Variants in TUBGCP3 observed in about 807,000 individuals in gnomAD.
TUBGCP3 encodes the protein gamma-tubulin complex component 3.
A neutral mutation model predicts 123.1 loss-of-function variants in TUBGCP3; 50 were observed. The observed-to-expected ratio is 0.41, with a 90% CI of 0.32 to 0.51. TUBGCP3 has a LOEUF of 0.51. Ranked by LOEUF, TUBGCP3 falls within the 20% of genes least tolerant of loss-of-function variation. The pLI, the probability that TUBGCP3 is intolerant of heterozygous loss-of-function variation, is 0.36. For missense variants in TUBGCP3, 882 were observed against 1,127.0 expected (o/e 0.78, Z 3.11); for synonymous variants, 405 against 413.9 (o/e 0.98, Z 0.26).
intron 11 of TUBGCP3, among the ~76,000 whole-genome samples, chr13:112,537,991 G>A (rs910247486): frequency 2.6e-5 from 4 of 152,108 alleles, no homozygotes; most frequent in African/African-American, 7.2e-5. Context: ...TTTGCTTTCC[G>A]CCTTTTGAAT....
At position 112,520,041 on chromosome 13, in the gene TUBGCP3, A is replaced by C; in HGVS notation, c.1746-20T>G. The C allele has an allele frequency of 6.2e-7, 1 of 1,600,014 alleles. No homozygotes were observed. The highest frequency in any genetic ancestry group is 8.5e-7 in the Non-Finnish European group (1 of 1,173,106). On this transcript the variant is annotated intron_variant, in intron 14 of 21. Coordinates refer to ENST00000261965, the MANE Select transcript of TUBGCP3 (RefSeq NM_006322.6). ...TCTGGTCTTAACAAATTTTTTAAAAATTAAAGAAAATATTACTTCAATTCT... is the reference window on the plus strand; with the variant it reads ...TCTGGTCTTAACAAATTTTTTAAAACTTAAAGAAAATATTACTTCAATTCT...
chr13:112,596,413 T>C, the TUBGCP3 span, among the ~76,000 whole-genome samples: 1 of 152,218 alleles, frequency 6.6e-6, no homozygotes, highest in Admixed American at 6.5e-5. Flanking sequence ...ACTTGATAAA[T>C]GTTGTGCCAC....
At chr13:112,498,842 A>G in intron 20 of TUBGCP3, 1 of 1,591,310 alleles carries the variant, frequency 6.3e-7, no homozygotes, top group Non-Finnish European at 8.6e-7. Flanking sequence ...TTATTTTGTG[A>G]AACAGGATGA....
chr13:112,486,335 G>T (rs1050279269), intron 21 of TUBGCP3, among the ~76,000 whole-genome samples, 184 bp from the exon 22 acceptor site: 1 of 152,192 alleles, frequency 6.6e-6, no homozygotes, highest in Non-Finnish European at 1.5e-5. Flanking sequence ...GAGTGCACAC[G>T]GCCAGTGCAC....
At chr13:112,504,910 C>T (rs900518262) in intron 17 of TUBGCP3, among the ~76,000 whole-genome samples, 196 bp from the exon 18 acceptor site, 3 of 152,146 alleles carry the variant, frequency 2.0e-5, no homozygotes, top group African/African-American at 7.2e-5. Context: ...GCTATCTAAC[C>T]AAGTAGTACT....
intron 11 of TUBGCP3, among the ~76,000 whole-genome samples, chr13:112,532,513 C>T (rs997768054): frequency 3.9e-5 from 6 of 152,204 alleles, no homozygotes; most frequent in African/African-American, 1.4e-4. Context: ...AGCACCTAAT[C>T]TTTACTATCC....
intron 21 of TUBGCP3, among the ~76,000 whole-genome samples, chr13:112,487,053 A>ATGTGTGTG (rs10522089): frequency 0.012 from 1,768 of 147,470 alleles, 20 homozygotes; most frequent in East Asian, 0.05. Context: ...AACACTGTGT[A>ATGTGTGTG]TGTGTGTGTG....
chr13:112,509,668 G>A (rs532378433), intron 17 of TUBGCP3, among the ~76,000 whole-genome samples: 2 of 152,304 alleles, frequency 1.3e-5, no homozygotes, highest in African/African-American at 2.4e-5. Context: ...CCTTGACAGT[G>A]AGAGACATAT....
At chr13:112,601,461 A>T in the TUBGCP3 span, among the ~76,000 whole-genome samples, 1 of 152,218 alleles carries the variant, frequency 6.6e-6, no homozygotes, top group Non-Finnish European at 1.5e-5. Flanking sequence ...TAGCGTTAAC[A>T]GCGCTTCACA....
At chr13:112,561,760 G>T (rs566888244) in intron 3 of TUBGCP3, among the ~76,000 whole-genome samples, 1 of 152,064 alleles carries the variant, frequency 6.6e-6, no homozygotes, top group Non-Finnish European at 1.5e-5. Flanking sequence ...AGGGAAAGAC[G>T]GCAGGAAATG....
At chr13:112,578,510 G>C (rs565647953) in intron 1 of TUBGCP3, among the ~76,000 whole-genome samples, 2 of 125,028 alleles carry the variant, frequency 1.6e-5, no homozygotes, top group Non-Finnish European at 3.2e-5. Flanking sequence ...AGTGAGCCGG[G>C]ATAGCGCCAC....
At chr13:112,488,870 C>T (rs1461389211) in intron 21 of TUBGCP3, among the ~76,000 whole-genome samples, 1 of 143,112 alleles carries the variant, frequency 7.0e-6, no homozygotes, top group African/African-American at 2.6e-5. Flanking sequence ...CAGGTCCCCA[C>T]ACCCACCACA....
chr13:112,512,696 T>C (rs549308956), intron 17 of TUBGCP3, among the ~76,000 whole-genome samples: 3 of 150,596 alleles, frequency 2.0e-5, no homozygotes, highest in Non-Finnish European at 3.0e-5. Context: ...AATCGCACCA[T>C]TGCACTCCAG....
At chr13:112,592,819 G>A (rs1882904807), upstream of TUBGCP3, among the ~76,000 whole-genome samples, 1 of 152,188 alleles carries the variant, frequency 6.6e-6, no homozygotes, top group Non-Finnish European at 1.5e-5. This position sits in a 1 kb window ranked among gnomAD's most constrained non-coding sequence, Gnocchi z 4.1. Context: ...CAGTGCACTG[G>A]CCACACACCA....
chr13:112,572,527 T>C (rs573346231), intron 1 of TUBGCP3, among the ~76,000 whole-genome samples: 1 of 152,266 alleles, frequency 6.6e-6, no homozygotes, highest in East Asian at 1.9e-4. Flanking sequence ...TTTGGTTTTC[T>C]GTTGATCACT....
chr13:112,519,748 C>T lies in TUBGCP3; in HGVS notation c.1881+138G>A, dbSNP rs941997627. 10 of 1,147,714 alleles carry T rather than the reference C, an allele frequency of 8.7e-6. No individual in the cohort carries two copies. In the African/African-American group the frequency reaches 1.4e-4, roughly 16 times the overall value. The allele number at this position is 1,147,714 out of a possible 1,614,324, so 71.1% of individuals were successfully genotyped here. A position where few individuals can be genotyped will look rare whatever the true frequency, so the allele number is the denominator to read the frequency against. On this transcript the variant is annotated intron_variant, in intron 15 of 21. Coordinates refer to ENST00000261965, the MANE Select transcript of TUBGCP3 (RefSeq NM_006322.6). The surrounding 1 kb of genome is among the most constrained non-coding windows in gnomAD (Gnocchi z 6.2). ...CAGTAACAAGCCACAGAGTGGAGTT[C>T]CTACTCAGGCTGCCCAGTTTCCAGA... is the stretch of plus-strand genomic sequence containing the variant.
intron 11 of TUBGCP3, among the ~76,000 whole-genome samples, chr13:112,528,701 C>G (rs1208398513): frequency 6.6e-6 from 1 of 152,102 alleles, no homozygotes; most frequent in Non-Finnish European, 1.5e-5. Context: ...TAGTTCTGAT[C>G]TATTTTTTTG....
At chr13:112,502,472 A>T (rs1880979337) in intron 19 of TUBGCP3, among the ~76,000 whole-genome samples, 1 of 151,618 alleles carries the variant, frequency 6.6e-6, no homozygotes, top group East Asian at 1.9e-4. Context: ...CTGTGGTTTT[A>T]CTCCGATAAC....
In TUBGCP3 at chr13:112,522,502, G is replaced by A; in HGVS notation, c.1563C>T (p.Asp521=). ...KSAESPQDAA[D]LFTDLENAFQ... The stretch of plus-strand genomic sequence containing the variant: ...ATGCATTTTCCAAGTCTGTGAATAG[G>A]TCTGCAGCTGTAAAGAACAACAGGG... The change falls in exon 14 of 22, where the codon GAC becomes GAT. Residue 521 remains aspartate, a synonymous_variant. Coordinates refer to ENST00000261965, the MANE Select transcript of TUBGCP3 (RefSeq NM_006322.6). 6.2e-7 allele frequency: 1 copy of A among 1,610,824 alleles called. No homozygotes were observed.
Sources: allele counts gnomAD v4.1 joint callset (sites outside exome capture counted in the v4.1 genomes callset), GRCh38; gene constraint gnomAD v4.1.1; non-coding constraint Gnocchi (gnomAD v3.1); transcripts MANE v1.5; gene names NCBI Gene and HGNC (gene_info 2026-07-23, HGNC 2026-07-21).